The following NID2 variants were observed in gnomAD, a reference collection of about 807,000 sequenced individuals.
The protein encoded by NID2 is nidogen 2, also known as nidogen-2.
In NID2, 83 loss-of-function variants were observed where a neutral mutation model predicts 145.4. That is an observed-to-expected ratio of 0.57 (90% CI 0.48 to 0.69). The LOEUF is 0.69. Among genes scored for constraint, NID2 ranks in the 30% least tolerant of loss-of-function variants. The probability of loss-of-function intolerance (pLI) is 0.00; values close to 1 mark genes in which losing one functional copy is unlikely to be tolerated. For missense variants in NID2, 1,807 were observed against 1,765.7 expected, an observed-to-expected ratio of 1.02 and a Z score of -0.42; for synonymous variants, 739 against 701.3, an observed-to-expected ratio of 1.05 and a Z score of -0.85.
At position 52,029,527 on chromosome 14, in the gene NID2, C is replaced by A; in HGVS notation, c.2401+20G>T. On this transcript the variant is annotated intron_variant, in intron 10 of 21. Transcript: ENST00000216286. ...AAAAACAAGGGCTACAAGAAGGAGA[C>A]ACGAGAACATGGCTCTTACCCACAC... is the stretch of plus-strand genomic sequence containing the variant. 1.9e-6 allele frequency: 3 copies of A among 1,595,628 alleles called. No individual in the cohort carries two copies. Among genetic ancestry groups the A allele is most frequent in the Non-Finnish European group, 2.6e-6 (3 of 1,165,122 alleles).
At chr14:52,006,785 A>AGCCAT (rs1290922376) in intron 19 of NID2, 125 bp from the exon 20 acceptor site, 1 of 1,009,632 alleles carries the variant, frequency 9.9e-7, no homozygotes, top group African/African-American at 1.6e-5. Context: ...ACAGTCATAG[A>AGCCAT]TTAGCAACTG....
At chr14:52,063,699 C>G (rs917674795) in intron 2 of NID2, among the ~76,000 whole-genome samples, 18 of 152,200 alleles carry the variant, frequency 1.2e-4, no homozygotes, top group African/African-American at 4.1e-4. Context: ...TCATCTTCCT[C>G]AGGACCACAT....
At chr14:52,051,985 T>C (rs1015830712) in intron 5 of NID2, among the ~76,000 whole-genome samples, 4 of 152,190 alleles carry the variant, frequency 2.6e-5, no homozygotes, top group African/African-American at 9.7e-5. Context: ...GTGCAGTCCC[T>C]TCTTAACCCT....
chr14:52,026,774 CT>C (rs1423307007), intron 12 of NID2, among the ~76,000 whole-genome samples: 1 of 152,166 alleles, frequency 6.6e-6, no homozygotes, highest in African/African-American at 2.4e-5. Context: ...GGAGTTCTCT[CT>C]TTTGAAAGAG....
At chr14:52,040,993 T>C in intron 7 of NID2, 142 bp from the exon 8 acceptor site, 1 of 714,422 alleles carries the variant, frequency 1.4e-6, no homozygotes, top group African/African-American at 1.8e-5. Flanking sequence ...GTAAGCACTA[T>C]CAGCTGTTGA....
At chr14:52,063,811 G>A (rs61973233) in intron 2 of NID2, among the ~76,000 whole-genome samples, 1 of 152,156 alleles carries the variant, frequency 6.6e-6, no homozygotes, top group African/African-American at 2.4e-5. Context: ...CTGCCTGTAG[G>A]ACACTGTCAC....
chr14:52,056,841 T>C (rs1185768923), intron 3 of NID2, among the ~76,000 whole-genome samples: 1 of 152,156 alleles, frequency 6.6e-6, no homozygotes, highest in East Asian at 1.9e-4. Flanking sequence ...ACATCATAAA[T>C]ACTTATTAAC....
At chr14:52,007,692 T>A in intron 19 of NID2, 118 bp downstream of exon 19, 1 of 957,648 alleles carries the variant, frequency 1.0e-6, no homozygotes, top group Non-Finnish European at 1.6e-6. Context: ...TACTTAAAAG[T>A]TTACAGACCA....
chr14:52,012,581 CA>C (rs1233709157), intron 16 of NID2, among the ~76,000 whole-genome samples: 2 of 152,038 alleles, frequency 1.3e-5, no homozygotes, highest in Admixed American at 6.5e-5. Flanking sequence ...CTGGGCAACA[CA>C]GAGCTACACC....
chr14:52,053,473 T>G lies in NID2; in HGVS notation c.1429+106A>C. ...GATTAAAAATTAGATCCAATCTTCT[T>G]TTTGCTAAACTTTTCACCTACCCAC... On this transcript the variant is annotated intron_variant, in intron 5 of 21. Transcript: ENST00000216286. 1.0e-5 allele frequency: 13 copies of G among 1,255,774 alleles called. No individual in the cohort carries two copies. In the South Asian group the frequency reaches 2.0e-4, roughly 19 times the overall value. The allele number at this position is 1,255,774 out of a possible 1,614,324, so 77.8% of individuals were successfully genotyped here. A position where few individuals can be genotyped will look rare whatever the true frequency, so the allele number is the denominator to read the frequency against.
chr14:52,030,094 G>A (rs1891745334), intron 9 of NID2, among the ~76,000 whole-genome samples: 1 of 152,150 alleles, frequency 6.6e-6, no homozygotes, highest in African/African-American at 2.4e-5. Context: ...AATTGCCCAA[G>A]CTCACAAAGT....
intron 5 of NID2, among the ~76,000 whole-genome samples, chr14:52,043,438 TAAAG>T (rs1278776555): frequency 2.0e-5 from 3 of 152,142 alleles, no homozygotes; most frequent in Admixed American, 1.3e-4. Flanking sequence ...GGAAGGGTCT[TAAAG>T]AACACACGCA....
chr14:52,045,517 T>C (rs980956458), intron 5 of NID2, among the ~76,000 whole-genome samples: 1 of 143,728 alleles, frequency 7.0e-6, no homozygotes, highest in Non-Finnish European at 1.5e-5. Flanking sequence ...GTGACAAGCT[T>C]AACTTAAACA....
chr14:52,017,121 C>T (rs1891237573), intron 14 of NID2, among the ~76,000 whole-genome samples: 2 of 152,158 alleles, frequency 1.3e-5, no homozygotes, highest in Admixed American at 1.3e-4. Flanking sequence ...CAATTCCACC[C>T]CTGCTCCACA....
chr14:52,005,986 A>ACTGAAGTTTGAAGACCATT (rs1890764065), intron 20 of NID2, 137 bp from the exon 21 acceptor site: 1 of 650,884 alleles, frequency 1.5e-6, no homozygotes, highest in African/African-American at 1.8e-5. Flanking sequence ...CTAAAGCCAT[A>ACTGAAGTTTGAAGACCATT]CTGAAGTTTG....
In NID2 at chr14:52,029,699, G is replaced by A. The variant is rs747297415; in HGVS notation, c.2258-9C>T. 3 of 1,611,088 alleles carry A rather than the reference G, an allele frequency of 1.9e-6. No homozygotes were observed. Among genetic ancestry groups the A allele is most frequent in the South Asian group, 1.1e-5 (1 of 90,920 alleles). ...AGTGGGGTCTGAATCCTCTGCATGA[G>A]TAGAGGGGAAATAAAAGCACAATCT... On this transcript the variant is annotated splice_polypyrimidine_tract_variant and intron_variant, in intron 9 of 21. Transcript: ENST00000216286.
intron 3 of NID2, among the ~76,000 whole-genome samples, chr14:52,054,745 G>A (rs1200116649): frequency 1.3e-5 from 2 of 152,164 alleles, no homozygotes; most frequent in East Asian, 1.9e-4. Context: ...TTAAGATCAG[G>A]TTCAGTTTTC....
At chr14:52,045,230 G>A (rs907818169) in intron 5 of NID2, among the ~76,000 whole-genome samples, 2 of 152,144 alleles carry the variant, frequency 1.3e-5, no homozygotes, top group African/African-American at 2.4e-5. Context: ...GACTATTACA[G>A]CATGTTGAAA....
intron 1 of NID2, 107 bp from the exon 2 acceptor site, chr14:52,068,270 CT>C: frequency 8.9e-7 from 1 of 1,118,022 alleles, no homozygotes; most frequent in Non-Finnish European, 1.3e-6. Flanking sequence ...CCTCTCTCTC[CT>C]TCCCCACTGG....
Sources: allele counts gnomAD v4.1 joint callset (sites outside exome capture counted in the v4.1 genomes callset), GRCh38; gene constraint gnomAD v4.1.1; transcripts MANE v1.5; gene names NCBI Gene and HGNC (gene_info 2026-07-23, HGNC 2026-07-21).